The following HPN variants were observed in gnomAD, a reference collection of about 807,000 sequenced individuals.
HPN encodes hepsin.
A neutral mutation model predicts 55.9 loss-of-function variants in HPN; 13 were observed. The observed-to-expected ratio is 0.23, with a 90% CI of 0.15 to 0.37. The LOEUF is 0.37. Ranked by LOEUF, HPN falls within the 10% of genes least tolerant of loss-of-function variation. The pLI, the probability that HPN is intolerant of heterozygous loss-of-function variation, is 1.00. For missense variants in HPN, 451 were observed against 575.8 expected, an observed-to-expected ratio of 0.78 and a Z score of 2.22; for synonymous variants, 225 against 240.3, an observed-to-expected ratio of 0.94 and a Z score of 0.59.
intron 2 of HPN, among the ~76,000 whole-genome samples, chr19:35,047,842 C>T (rs2064356762): frequency 6.6e-6 from 1 of 151,656 alleles, no homozygotes. Flanking sequence ...ACAAAAAATA[C>T]AAAAATTAGC....
At position 35,066,325 on chromosome 19, in the gene HPN, G is replaced by A. The variant is rs1281583643; in HGVS notation, c.*38G>A. The A allele has an allele frequency of 1.9e-6, 3 of 1,593,326 alleles. No homozygotes were observed. The highest frequency in any genetic ancestry group is 2.6e-6 in the Non-Finnish European group (3 of 1,171,406). ...CGCTGCGCAGCCTCCAGGGCCCGAG[G>A]TGATCCCGGTGGTGGGATCCACGCT... is the stretch of plus-strand genomic sequence containing the variant. On this transcript the variant is annotated 3_prime_UTR_variant, in exon 13 of 13. Transcript: ENST00000672452.
At chr19:35,043,330 A>G (rs1197585267) in intron 2 of HPN, among the ~76,000 whole-genome samples, 3 of 152,070 alleles carry the variant, frequency 2.0e-5, no homozygotes, top group Non-Finnish European at 4.4e-5. Context: ...CCTCTCACAC[A>G]TGGGACCCAG....
At chr19:35,050,369 G>A (rs888253226) in intron 4 of HPN, 6 of 514,806 alleles carry the variant, frequency 1.2e-5, no homozygotes, top group African/African-American at 3.9e-5. Context: ...TGATCCACCC[G>A]CCTCGGCCTC....
chr19:35,060,008 A>G lies in HPN; in HGVS notation c.413+12A>G. 6.3e-7 allele frequency: 1 copy of G among 1,596,796 alleles called. No individual in the cohort carries two copies. Among genetic ancestry groups the G allele is most frequent in the African/African-American group, 1.3e-5 (1 of 74,840 alleles). ...GTCATCTCCGTGTGGTGAGGAGGGCAGCGGGCAGGTGGGGCAACACCTCAG... is the reference window on the plus strand; with the variant it reads ...GTCATCTCCGTGTGGTGAGGAGGGCGGCGGGCAGGTGGGGCAACACCTCAG... On this transcript the variant is annotated intron_variant, in intron 6 of 12. Transcript: ENST00000672452.
chr19:35,054,506 G>A (rs2064436146), intron 4 of HPN, among the ~76,000 whole-genome samples: 1 of 152,070 alleles, frequency 6.6e-6, no homozygotes, highest in Non-Finnish European at 1.5e-5. Flanking sequence ...CATAGCATGG[G>A]GCCAGCCCAC....
At chr19:35,048,028 AAAAGAAAGAAAGAAAGAAAGAAAG>A (rs1555722914) in intron 2 of HPN, among the ~76,000 whole-genome samples, 2 of 87,396 alleles carry the variant, frequency 2.3e-5, no homozygotes, top group Non-Finnish European at 4.7e-5. Context: ...GAGAGAGAGA[AAAAGAAAGAAAGAAAGAAAGAAAG>A]AAAGAAAGAA....
upstream of HPN, among the ~76,000 whole-genome samples, chr19:35,041,077 G>A (rs573028140): frequency 1.3e-5 from 2 of 152,342 alleles, no homozygotes; most frequent in South Asian, 4.1e-4. Flanking sequence ...ATCTGCCTGC[G>A]GACGCTTCCG....
intron 1 of HPN, chr19:35,042,100 A>C (rs536269079): frequency 2.9e-4 from 326 of 1,111,972 alleles, no homozygotes; most frequent in Non-Finnish European, 3.4e-4. Flanking sequence ...TCCAGCCCTC[A>C]GGCCCCTCCT....
chr19:35,064,949 G>A (rs1336583783), intron 9 of HPN, among the ~76,000 whole-genome samples: 2 of 152,166 alleles, frequency 1.3e-5, no homozygotes, highest in East Asian at 1.9e-4. Flanking sequence ...AGTCTCCCGA[G>A]TAGCTGGGAT....
chr19:35,052,169 T>G (rs1402673185), intron 4 of HPN, among the ~76,000 whole-genome samples: 3 of 152,164 alleles, frequency 2.0e-5, no homozygotes, highest in African/African-American at 7.2e-5. Flanking sequence ...TCTCCAAGAC[T>G]CAATTTCCTC....
At position 35,047,877 on chromosome 19, in the gene HPN, A is replaced by G. The variant is rs2064357167; in HGVS notation, c.17-1413A>G. Reference sequence around the variant, plus strand: ...CCATGTGTGGTGGTGTGCGCCTATAATCCCAGCTACTCGGGAGGCTCAGAA... The same window carrying G: ...CCATGTGTGGTGGTGTGCGCCTATAGTCCCAGCTACTCGGGAGGCTCAGAA... On this transcript the variant is annotated intron_variant, in intron 2 of 12. Transcript: ENST00000672452. 2.0e-5 allele frequency among the ~76,000 whole-genome samples: 3 copies of G among 151,632 alleles called. No homozygotes were observed. In the South Asian group the frequency reaches 6.2e-4, roughly 32 times the overall value.
intron 4 of HPN, 71 bp downstream of exon 4, chr19:35,049,587 G>A (rs1253506444): frequency 7.3e-7 from 1 of 1,361,310 alleles, no homozygotes; most frequent in Non-Finnish European, 1.0e-6. Context: ...AGCTCAACAA[G>A]CGTATTTGTT....
chr19:35,044,043 G>T (rs1218578004), intron 2 of HPN, among the ~76,000 whole-genome samples: 3 of 152,226 alleles, frequency 2.0e-5, no homozygotes, highest in Non-Finnish European at 2.9e-5. Context: ...GGGTGACCCG[G>T]GTTTGGTGGC....
At chr19:35,057,099 T>G (rs2064462474) in intron 4 of HPN, among the ~76,000 whole-genome samples, 1 of 152,168 alleles carries the variant, frequency 6.6e-6, no homozygotes, top group Admixed American at 6.6e-5. Flanking sequence ...CAGAGGTTCT[T>G]CAAACCTGGC....
At chr19:35,050,121 T>A (rs1321669242) in intron 4 of HPN, among the ~76,000 whole-genome samples, 1 of 152,082 alleles carries the variant, frequency 6.6e-6, no homozygotes, top group East Asian at 1.9e-4. Flanking sequence ...GGTAGTTTTT[T>A]TGTTTGTTTG....
Position 35,049,307 on chromosome 19 carries a change from T to C in HPN, c.34T>C (p.Cys12Arg). Reference sequence around the variant, plus strand: ...TGTTGCAGGTGGCCGGACTGTGCCATGCTGCTCCAGACCCAAGGTGGCAGC... The same window carrying C: ...TGTTGCAGGTGGCCGGACTGTGCCACGCTGCTCCAGACCCAAGGTGGCAGC... ...AQKEGGRTVP[C>R]CSRPKVAALT... The change falls in exon 3 of 13, where the codon TGC (cysteine) becomes CGC (arginine). Residue 12 changes from cysteine to arginine, a missense_variant. By Grantham distance (180) the Cys-to-Arg change is radical. Transcript: ENST00000672452. 1.3e-6 allele frequency: 2 copies of C among 1,578,260 alleles called. No individual in the cohort carries two copies. The highest frequency in any genetic ancestry group is 1.7e-6 in the Non-Finnish European group (2 of 1,160,218).
chr19:35,062,991 G>T (rs1277398569), intron 9 of HPN, among the ~76,000 whole-genome samples: 1 of 152,228 alleles, frequency 6.6e-6, no homozygotes, highest in Non-Finnish European at 1.5e-5. Flanking sequence ...TGATCATGAA[G>T]TAGTAAAAGG....
chr19:35,044,475 C>T (rs2151752506), intron 2 of HPN, among the ~76,000 whole-genome samples: 1 of 152,244 alleles, frequency 6.6e-6, no homozygotes. Context: ...CTGGACCAGG[C>T]AGGGGTGGGA....
intron 4 of HPN, among the ~76,000 whole-genome samples, chr19:35,054,320 A>AGGCAG (rs1245865331): frequency 6.6e-6 from 1 of 151,288 alleles, no homozygotes; most frequent in Non-Finnish European, 1.5e-5. Flanking sequence ...CGGGAGGCTG[A>AGGCAG]GGCAGGAGGA....
Sources: gnomAD v4.1 joint callset for allele counts (sites outside exome capture counted in the v4.1 genomes callset) on GRCh38, gnomAD v4.1.1 for gene constraint, MANE v1.5 for transcripts, NCBI Gene and HGNC (gene_info 2026-07-23, HGNC 2026-07-21) for gene names.